The following ZBTB7C variants were observed in gnomAD, a reference collection of about 807,000 sequenced individuals.
ZBTB7C encodes the protein zinc finger and BTB domain-containing protein 7C.
A neutral mutation model predicts 25.7 loss-of-function variants in ZBTB7C; 8 were observed. That is an observed-to-expected ratio of 0.31 (90% CI 0.18 to 0.56). ZBTB7C has a LOEUF of 0.56. Among genes scored for constraint, ZBTB7C ranks in the 20% least tolerant of loss-of-function variants. The probability of loss-of-function intolerance (pLI) is 0.91; values close to 1 mark genes in which losing one functional copy is unlikely to be tolerated. For missense variants in ZBTB7C, 824 were observed against 855.2 expected, an observed-to-expected ratio of 0.96 and a Z score of 0.46; for synonymous variants, 394 against 369.0, an observed-to-expected ratio of 1.07 and a Z score of -0.78.
In ZBTB7C at chr18:48,107,986, C is replaced by T. The variant is rs1472059710; in HGVS notation, c.-16-66863G>A. Among the ~76,000 whole-genome samples the T allele has an allele frequency of 7.2e-5, 11 of 152,316 alleles. 1 individual carries two copies. In the East Asian group the frequency reaches 2.1e-3, roughly 29 times the overall value. ...CAGCCAAATGACACCCTTTCTTTCTCCCCTCATGAAGATAAAATCTTTCCC... is the reference window on the plus strand; with the variant it reads ...CAGCCAAATGACACCCTTTCTTTCTTCCCTCATGAAGATAAAATCTTTCCC... On this transcript the variant is annotated intron_variant, in intron 3 of 4. Coordinates refer to ENST00000590800, the MANE Select transcript of ZBTB7C (RefSeq NM_001318841.2).
chr18:48,067,870 G>A (rs944843605), intron 3 of ZBTB7C, among the ~76,000 whole-genome samples: 25 of 152,060 alleles, frequency 1.6e-4, no homozygotes, highest in Admixed American at 1.0e-3. Flanking sequence ...GCATGGTGGC[G>A]CATGCCTGTA....
chr18:48,042,315 T>G (rs1001550525), intron 3 of ZBTB7C, among the ~76,000 whole-genome samples: 1 of 151,772 alleles, frequency 6.6e-6, no homozygotes, highest in African/African-American at 2.4e-5. Context: ...AACAATAAAA[T>G]AAGGTGGGTT....
chr18:48,377,336 A>T (rs2047543694), intron 1 of ZBTB7C, among the ~76,000 whole-genome samples: 1 of 152,246 alleles, frequency 6.6e-6, no homozygotes, highest in South Asian at 2.1e-4. Context: ...GAATTATCAT[A>T]AAAAATGCAG....
chr18:48,271,601 CAAAT>C (rs1241762614), intron 2 of ZBTB7C, among the ~76,000 whole-genome samples: 56 of 147,666 alleles, frequency 3.8e-4, no homozygotes, highest in African/African-American at 1.3e-3. Context: ...ATATATGTAT[CAAAT>C]AAATATTTGA....
chr18:48,026,803 A>C lies in ZBTB7C; in HGVS notation c.*2457T>G, dbSNP rs1356325981. 1 of 151,728 alleles carries C rather than the reference A, an allele frequency of 6.6e-6. No individual in the cohort carries two copies. Among genetic ancestry groups the C allele is most frequent in the Non-Finnish European group, 1.5e-5 (1 of 68,010 alleles). 9.4% of individuals were successfully genotyped at this position (151,728 alleles called of 1,614,324 possible). ...TTAAGTTTATGACACCCAACAATTA[A>C]AAACCTTAAGACTGGCTTGTTGCTG... On this transcript the variant is annotated 3_prime_UTR_variant, in exon 5 of 5. Transcript: ENST00000590800.
intron 3 of ZBTB7C, among the ~76,000 whole-genome samples, chr18:48,042,285 C>T (rs545983652): frequency 3.3e-5 from 5 of 152,022 alleles, no homozygotes; most frequent in African/African-American, 1.2e-4. Context: ...ACAAAACAAA[C>T]AACAAATCAG....
intron 1 of ZBTB7C, among the ~76,000 whole-genome samples, chr18:48,349,933 C>CTT: frequency 6.6e-6 from 1 of 152,182 alleles, no homozygotes; most frequent in Non-Finnish European, 1.5e-5. Context: ...AATGGGAATG[C>CTT]CACCTGCCCT....
intron 3 of ZBTB7C, among the ~76,000 whole-genome samples, chr18:48,080,960 TG>T: frequency 6.6e-6 from 1 of 152,340 alleles, no homozygotes; most frequent in African/African-American, 2.4e-5. Flanking sequence ...CACTCACCCC[TG>T]GTTTGATCTC....
intron 1 of ZBTB7C, among the ~76,000 whole-genome samples, chr18:48,389,188 A>AACTCTCTCTC (rs2047820995): frequency 4.1e-5 from 1 of 24,440 alleles, no homozygotes; most frequent in African/African-American, 1.7e-4. Context: ...AGAGCCCTTT[A>AACTCTCTCTC]ACTCTCTCTC....
Position 48,069,134 on chromosome 18 carries a change from G to T in ZBTB7C, c.-16-28011C>A, listed in dbSNP as rs529201283. 1.5e-4 allele frequency among the ~76,000 whole-genome samples: 23 copies of T among 152,314 alleles called. No homozygotes were observed. In the South Asian group the frequency reaches 4.8e-3, roughly 32 times the overall value. On this transcript the variant is annotated intron_variant, in intron 3 of 4. Transcript: ENST00000590800. ...GCAGCCAGGGCAGGGCACAGAGTAG[G>T]TGCTCATGCATTTCTGTTGCTGGAT...
chr18:48,156,269 G>A (rs1056348252), intron 3 of ZBTB7C, among the ~76,000 whole-genome samples: 1 of 152,208 alleles, frequency 6.6e-6, no homozygotes, highest in African/African-American at 2.4e-5. Context: ...ACGGCATGGC[G>A]ATAGACTTAG....
chr18:48,158,596 G>A (rs917400195), intron 3 of ZBTB7C, among the ~76,000 whole-genome samples: 2 of 152,182 alleles, frequency 1.3e-5, no homozygotes, highest in East Asian at 1.9e-4. Context: ...TGGGGCCAGA[G>A]CTGCAGAATT....
At chr18:48,161,529 C>T (rs2041032152) in intron 3 of ZBTB7C, among the ~76,000 whole-genome samples, 1 of 152,126 alleles carries the variant, frequency 6.6e-6, no homozygotes, top group Non-Finnish European at 1.5e-5. Flanking sequence ...CCGGCCTGTT[C>T]AGACTGGTTC....
intron 2 of ZBTB7C, among the ~76,000 whole-genome samples, chr18:48,222,692 A>G (rs2042992394): frequency 6.6e-6 from 1 of 151,824 alleles, no homozygotes; most frequent in African/African-American, 2.4e-5. Flanking sequence ...AGGGCAGGAG[A>G]CTCTTCTTGC....
At chr18:48,165,158 T>C (rs1000394189) in intron 3 of ZBTB7C, 26 of 1,287,804 alleles carry the variant, frequency 2.0e-5, no homozygotes, top group Non-Finnish European at 2.6e-5. Context: ...GAGGAGGAAA[T>C]TTGCAGTCCA....
In ZBTB7C at chr18:48,029,821, G is replaced by A. The variant is rs2144057234; in HGVS notation, c.1299C>T (p.Tyr433=). The part of the protein sequence containing the change: ...IHCNAKFVHN[Y]DLKNHMRIHT... ...GGATGCGCATGTGGTTCTTGAGGTC[G>A]TAGTTGTGCACGAACTTGGCGTTGC... The change falls in exon 5 of 5, where the codon TAC becomes TAT. Residue 433 remains tyrosine (Y), a synonymous_variant. Transcript: ENST00000590800. The A allele has an allele frequency of 1.2e-6, 2 of 1,609,560 alleles. No homozygotes were observed. Among genetic ancestry groups the A allele is most frequent in the Non-Finnish European group, 1.7e-6 (2 of 1,180,010 alleles).
At chr18:48,087,901 G>A (rs1388910790) in intron 3 of ZBTB7C, 1 of 150,948 alleles carries the variant, frequency 6.6e-6, no homozygotes, top group African/African-American at 2.4e-5. Flanking sequence ...AATTGCTTTA[G>A]CCTTTTCCTC....
rs529044483 is a variant in ZBTB7C, at chr18:48,313,425, G to A, written c.-79+24749C>T. ...GGCCCTGTCCAGACAAATTAGATCCGAATTGTGGGGGTCAGGCAGCAGCGT... is the reference window on the plus strand; with the variant it reads ...GGCCCTGTCCAGACAAATTAGATCCAAATTGTGGGGGTCAGGCAGCAGCGT... On this transcript the variant is annotated intron_variant, in intron 2 of 4. Coordinates refer to ENST00000590800, the MANE Select transcript of ZBTB7C (RefSeq NM_001318841.2). Among the ~76,000 whole-genome samples, 7 of 152,302 alleles carry A rather than the reference G, an allele frequency of 4.6e-5. 1 individual carries two copies. In the South Asian group the frequency reaches 1.4e-3, roughly 32 times the overall value.
At chr18:48,152,792 G>A (rs1262224304) in intron 3 of ZBTB7C, among the ~76,000 whole-genome samples, 2 of 152,234 alleles carry the variant, frequency 1.3e-5, no homozygotes, top group Admixed American at 6.5e-5. Flanking sequence ...AAATAATCAC[G>A]ATGAGCCCTT....
Sources: gnomAD v4.1 joint callset for allele counts (sites outside exome capture counted in the v4.1 genomes callset) on GRCh38, gnomAD v4.1.1 for gene constraint, MANE v1.5 for transcripts, NCBI Gene and HGNC (gene_info 2026-07-23, HGNC 2026-07-21) for gene names.